Variants in RAVER2 observed in about 807,000 individuals in gnomAD.
The protein encoded by RAVER2 is ribonucleoprotein, PTB binding 2, also known as ribonucleoprotein PTB-binding 2.
RAVER2 carries 46 observed loss-of-function variants against 78.1 expected under a neutral mutation model. That is an observed-to-expected ratio of 0.59 (90% confidence interval 0.46 to 0.75). The LOEUF is 0.75. Among genes scored for constraint, RAVER2 ranks in the 30% least tolerant of loss-of-function variants. The probability of loss-of-function intolerance (pLI) is 0.00; values close to 1 mark genes in which losing one functional copy is unlikely to be tolerated. For missense variants in RAVER2, 793 were observed against 837.5 expected, an observed-to-expected ratio of 0.95 and a Z score of 0.66; for synonymous variants, 311 against 313.3, an observed-to-expected ratio of 0.99 and a Z score of 0.08.
At chr1:64,820,019 TA>T (rs1456756626) in intron 11 of RAVER2, among the ~76,000 whole-genome samples, 17 of 152,214 alleles carry the variant, frequency 1.1e-4, no homozygotes, top group African/African-American at 4.1e-4. Context: ...ATAGGGTTTA[TA>T]ATGTATATAG....
chr1:64,784,631 C>A (rs570666314), intron 4 of RAVER2, among the ~76,000 whole-genome samples: 3 of 152,168 alleles, frequency 2.0e-5, no homozygotes, highest in Non-Finnish European at 4.4e-5. Flanking sequence ...GATTCTTAGA[C>A]ATTCCCACTT....
chr1:64,790,797 A>C (rs1652917332), intron 5 of RAVER2, among the ~76,000 whole-genome samples: 1 of 152,174 alleles, frequency 6.6e-6, no homozygotes, highest in Non-Finnish European at 1.5e-5. Flanking sequence ...AAATATATTA[A>C]ATACATTTAT....
At position 64,790,361 on chromosome 1, in the gene RAVER2, C is replaced by A. The variant is rs200799642; in HGVS notation, c.1105+847C>A. Among the ~76,000 whole-genome samples the A allele has an allele frequency of 9.9e-5, 15 of 152,226 alleles. No individual in the cohort carries two copies. The East Asian group carries it at 2.9e-3, about 29-fold the overall frequency. ...AGTGTACCTACTCTGTATACATTAC[C>A]CACCCATTAATCACTTAGTAGCCTT... On this transcript the variant is annotated intron_variant, in intron 5 of 11. Transcript: ENST00000294428.
At chr1:64,813,019 G>T (rs571552413) in intron 10 of RAVER2, among the ~76,000 whole-genome samples, 170 bp downstream of exon 10, 1 of 152,042 alleles carries the variant, frequency 6.6e-6, no homozygotes, top group Non-Finnish European at 1.5e-5. Context: ...CTCAAAATGC[G>T]TGCTATTTTA....
At chr1:64,780,684 G>T (rs554407488) in intron 3 of RAVER2, among the ~76,000 whole-genome samples, 1 of 152,086 alleles carries the variant, frequency 6.6e-6, no homozygotes, top group Non-Finnish European at 1.5e-5. Flanking sequence ...GTCTTATCTT[G>T]TTCTTATTTT....
chr1:64,802,011 A>G (rs1223005872), intron 5 of RAVER2, among the ~76,000 whole-genome samples: 1 of 152,242 alleles, frequency 6.6e-6, no homozygotes, highest in Non-Finnish European at 1.5e-5. Context: ...TTTCCAGGAA[A>G]ATGGTGGGCA....
chr1:64,828,226 TG>T (rs1438076565), intron 11 of RAVER2, among the ~76,000 whole-genome samples: 1 of 144,892 alleles, frequency 6.9e-6, no homozygotes, highest in African/African-American at 2.6e-5. Flanking sequence ...ATTTCTCTTT[TG>T]TCAAAGTGAC....
At chr1:64,826,019 T>A (rs906411342) in intron 11 of RAVER2, among the ~76,000 whole-genome samples, 1 of 152,248 alleles carries the variant, frequency 6.6e-6, no homozygotes, top group African/African-American at 2.4e-5. Context: ...TAGGCTCTAG[T>A]AGATTACGGT....
chr1:64,751,910 C>T (rs941484528), intron 1 of RAVER2, among the ~76,000 whole-genome samples: 3 of 152,064 alleles, frequency 2.0e-5, no homozygotes, highest in Admixed American at 6.5e-5. Context: ...TCATGTGTCT[C>T]GGCTGTTTGT....
chr1:64,831,252 T>C (rs566366195), exon 12 of RAVER2: 3 of 267,730 alleles, frequency 1.1e-5, no homozygotes, highest in Non-Finnish European at 2.1e-5. Context: ...AATGTTCCAA[T>C]ATTCCTTGAT....
At chr1:64,781,028 C>T (rs895083928) in intron 3 of RAVER2, among the ~76,000 whole-genome samples, 1 of 152,038 alleles carries the variant, frequency 6.6e-6, no homozygotes, top group African/African-American at 2.4e-5. Flanking sequence ...GTCCATGTAC[C>T]TGGTGATTTT....
At chr1:64,760,692 G>A (rs1382054627) in intron 1 of RAVER2, among the ~76,000 whole-genome samples, 3 of 152,148 alleles carry the variant, frequency 2.0e-5, no homozygotes, top group East Asian at 3.9e-4. Context: ...AGGGAGTGAT[G>A]CAATGAGATT....
At chr1:64,816,058 A>G (rs1187658844) in intron 11 of RAVER2, 2 of 152,230 alleles carry the variant, frequency 1.3e-5, no homozygotes, top group Non-Finnish European at 2.9e-5. Flanking sequence ...CTTTTCAAGA[A>G]ACAAACTTTT....
At chr1:64,801,942 A>T (rs892325394) in intron 5 of RAVER2, among the ~76,000 whole-genome samples, 1 of 152,236 alleles carries the variant, frequency 6.6e-6, no homozygotes, top group East Asian at 1.9e-4. Flanking sequence ...GCCCATTTTT[A>T]TGGTTATTTC....
chr1:64,812,674 A>G, intron 9 of RAVER2, 64 bp from the exon 10 acceptor site: 2 of 1,052,604 alleles, frequency 1.9e-6, no homozygotes, highest in Non-Finnish European at 2.8e-6. Flanking sequence ...GTATTTCTCT[A>G]TTCTTTATTT....
intron 5 of RAVER2, among the ~76,000 whole-genome samples, chr1:64,792,955 C>A (rs1448968117): frequency 6.6e-6 from 1 of 152,188 alleles, no homozygotes; most frequent in African/African-American, 2.4e-5. Flanking sequence ...GTAATCCCAG[C>A]ACTTTGGGTC....
At chr1:64,776,040 A>T (rs952849659) in intron 2 of RAVER2, among the ~76,000 whole-genome samples, 1 of 148,704 alleles carries the variant, frequency 6.7e-6, no homozygotes, top group Admixed American at 6.7e-5. Context: ...AAAAAAAAGG[A>T]AAGAAAGTTA....
chr1:64,769,094 G>A (rs1364558981), intron 2 of RAVER2, among the ~76,000 whole-genome samples: 1 of 151,914 alleles, frequency 6.6e-6, no homozygotes, highest in Non-Finnish European at 1.5e-5. Flanking sequence ...CTGGGTATTA[G>A]TTTTATATCT....
At position 64,822,026 on chromosome 1, in the gene RAVER2, G is replaced by A. The variant is rs1035594498; in HGVS notation, c.1929+7186G>A. Among the ~76,000 whole-genome samples, 8 of 152,222 alleles carry A rather than the reference G, an allele frequency of 5.3e-5. No individual in the cohort carries two copies. The South Asian group carries it at 6.2e-4, about 12-fold the overall frequency. ...TGAGAGGCCAGGCGCGGTGGCTCAC[G>A]CCTGTAATCGCAGCACTTTGGGAGG... On this transcript the variant is annotated intron_variant, in intron 11 of 11. Transcript: ENST00000294428.
Sources: gnomAD v4.1 joint callset for allele counts (sites outside exome capture counted in the v4.1 genomes callset) on GRCh38, gnomAD v4.1.1 for gene constraint, MANE v1.5 for transcripts, NCBI Gene and HGNC (gene_info 2026-07-23, HGNC 2026-07-21) for gene names.